The following ATP9A variants were observed in gnomAD, a reference collection of about 807,000 sequenced individuals.
ATP9A encodes the protein ATPase phospholipid transporting 9A.
Under a neutral mutation model 144.1 loss-of-function variants are expected in ATP9A, and 52 were observed. That is an observed-to-expected ratio of 0.36 (90% CI 0.29 to 0.45). The LOEUF is 0.45. Among genes scored for constraint, ATP9A ranks in the 20% least tolerant of loss-of-function variants. ATP9A has a pLI of 1.00. For missense variants in ATP9A, 947 were observed against 1,392.7 expected, an observed-to-expected ratio of 0.68 and a Z score of 5.09; for synonymous variants, 582 against 557.4, an observed-to-expected ratio of 1.04 and a Z score of -0.62.
chr20:51,715,237 C>A (rs1464258964), intron 3 of ATP9A, among the ~76,000 whole-genome samples: 1 of 152,194 alleles, frequency 6.6e-6, no homozygotes, highest in African/African-American at 2.4e-5. Flanking sequence ...AAACTCCTCC[C>A]AATGCCCATA....
intron 1 of ATP9A, among the ~76,000 whole-genome samples, chr20:51,751,071 GA>G (rs2077829392): frequency 6.6e-6 from 1 of 152,208 alleles, no homozygotes; most frequent in African/African-American, 2.4e-5. Context: ...AGGAAGAAGG[GA>G]GGGGCATCAG....
chr20:51,687,291 G>A (rs1305312790), intron 9 of ATP9A, among the ~76,000 whole-genome samples: 1 of 152,128 alleles, frequency 6.6e-6, no homozygotes, highest in Non-Finnish European at 1.5e-5. Context: ...TGAAAATAAA[G>A]GCAGGCAGTG....
chr20:51,723,837 G>A (rs2077700566), intron 3 of ATP9A, among the ~76,000 whole-genome samples: 1 of 152,008 alleles, frequency 6.6e-6, no homozygotes, highest in African/African-American at 2.4e-5. Context: ...TTACAGGTGT[G>A]AGCCACCGTG....
rs749046813 is a variant in ATP9A, at chr20:51,671,198, G to C, written c.1097C>G (p.Ser366Trp). ...IVYSWVIRRD[S>W]KIPGTVVRSS... Reference sequence around the variant, plus strand: ...GCGAACCACGGTCCCGGGGATTTTCGAGTCCCTTCGAATCACCCAGCTGTA... The same window carrying C: ...GCGAACCACGGTCCCGGGGATTTTCCAGTCCCTTCGAATCACCCAGCTGTA... Residue 366 changes from serine (S) to tryptophan (W), a missense_variant, in exon 12 of 28, where the codon TCG (serine) becomes TGG (tryptophan). Coordinates refer to ENST00000338821, the MANE Select transcript of ATP9A (RefSeq NM_006045.3). 5.6e-6 allele frequency: 9 copies of C among 1,614,040 alleles called. No individual in the cohort carries two copies. The highest frequency in any genetic ancestry group is 7.6e-6 in the Non-Finnish European group (9 of 1,180,000).
At chr20:51,690,115 A>C (rs2077540966) in intron 8 of ATP9A, among the ~76,000 whole-genome samples, 1 of 51,556 alleles carries the variant, frequency 1.9e-5, no homozygotes. Flanking sequence ...GTCTCAAAAA[A>C]AAAAAAAAAA....
chr20:51,633,443 G>T (rs1285966999), intron 15 of ATP9A, among the ~76,000 whole-genome samples: 2 of 152,080 alleles, frequency 1.3e-5, no homozygotes, highest in Non-Finnish European at 2.9e-5. Flanking sequence ...GTCTTTTGTT[G>T]GGTGAAAATG....
chr20:51,712,303 G>T lies in ATP9A; in HGVS notation c.436+663C>A, dbSNP rs138011395. Among the ~76,000 whole-genome samples, 259 of 152,030 alleles carry T rather than the reference G, an allele frequency of 1.7e-3. 3 individuals carry two copies. In the East Asian group the frequency reaches 0.031, roughly 18 times the overall value. On this transcript the variant is annotated intron_variant, in intron 4 of 27. Coordinates refer to ENST00000338821, the MANE Select transcript of ATP9A (RefSeq NM_006045.3). ...GTTAGCCAGGATGGTCTCGATCTCC[G>T]GACCTTGTGATCAGCCCGCCTCGGC... is the stretch of plus-strand genomic sequence containing the variant.
Position 51,622,073 on chromosome 20 carries a change from C to A in ATP9A, c.2115+1G>T, listed in dbSNP as rs2122724879. 1.2e-6 allele frequency: 2 copies of A among 1,613,988 alleles called. No individual in the cohort carries two copies. Among genetic ancestry groups the A allele is most frequent in the Non-Finnish European group, 1.7e-6 (2 of 1,179,904 alleles). Reference sequence around the variant, plus strand: ...TGGCCCTAACGCAGAGGACACTTTACCAGCCGAAAAACGTGGATGTCTTGG... The same window carrying A: ...TGGCCCTAACGCAGAGGACACTTTAACAGCCGAAAAACGTGGATGTCTTGG... On this transcript the variant is annotated splice_donor_variant, in intron 19 of 27. Transcript: ENST00000338821. LOFTEE classifies it high-confidence loss of function.
At chr20:51,639,134 G>A (rs1327045522) in intron 15 of ATP9A, among the ~76,000 whole-genome samples, 1 of 152,152 alleles carries the variant, frequency 6.6e-6, no homozygotes, top group Non-Finnish European at 1.5e-5. Context: ...TTTCACTCCA[G>A]AACCAGGGAC....
Position 51,622,116 on chromosome 20 carries a change from T to C in ATP9A, c.2073A>G (p.Ala691=). 1 of 1,614,166 alleles carries C rather than the reference T, an allele frequency of 6.2e-7. No homozygotes were observed. Among genetic ancestry groups the C allele is most frequent in the South Asian group, 1.1e-5 (1 of 91,086 alleles). Reference sequence around the variant, plus strand: ...TGTCTTGGTTTCTGGTCACCAGATGTGCATTCTTCGCTGTGCACGTAGCTG... The same window carrying C: ...TGTCTTGGTTTCTGGTCACCAGATGCGCATTCTTCGCTGTGCACGTAGCTG... ...LETATCTAKN[A]HLVTRNQDIH... Residue 691 remains alanine, a synonymous_variant, in exon 19 of 28, where the codon GCA becomes GCG. Coordinates refer to ENST00000338821, the MANE Select transcript of ATP9A (RefSeq NM_006045.3).
At chr20:51,602,510 G>A (rs1231725904) in intron 27 of ATP9A, among the ~76,000 whole-genome samples, 9 of 152,172 alleles carry the variant, frequency 5.9e-5, no homozygotes, top group African/African-American at 2.2e-4. Context: ...CTCACAAAAC[G>A]CTTTCTAGAG....
At chr20:51,656,659 TGTG>T (rs1157637138) in intron 14 of ATP9A, among the ~76,000 whole-genome samples, 2 of 152,344 alleles carry the variant, frequency 1.3e-5, no homozygotes, top group African/African-American at 2.4e-5. Context: ...TTTTAAAGTA[TGTG>T]GTTTAAATGG....
At chr20:51,767,872 T>G (rs1238287225) in intron 1 of ATP9A, among the ~76,000 whole-genome samples, 3 of 152,200 alleles carry the variant, frequency 2.0e-5, no homozygotes, top group Non-Finnish European at 2.9e-5. Context: ...TGAGCATATC[T>G]GGGCTCCCGA....
At chr20:51,613,916 T>G in intron 22 of ATP9A, 84 bp from the exon 23 acceptor site, 1 of 1,389,624 alleles carries the variant, frequency 7.2e-7, no homozygotes, top group African/African-American at 1.4e-5. Context: ...AGCAAGACAT[T>G]GTAGGAAATC....
rs766685373 is a variant in ATP9A at position 51,601,303 on chromosome 20, C to T, written c.3052G>A (p.Val1018Ile). 3.1e-5 allele frequency: 50 copies of T among 1,613,384 alleles called. No homozygotes were observed. Among genetic ancestry groups the T allele is most frequent in the South Asian group, 4.4e-5 (4 of 91,016 alleles). Reference protein sequence around the residue: ...ATLSFLWKVSVITLVSCLPLY... With the variant: ...ATLSFLWKVSIITLVSCLPLY... ...GGGAGGCAGCTGACCAGAGTGATGA[C>T]GGAGACTTTCCACAAGAATGACAAG... The change falls in exon 28 of 28, where the codon GTC becomes ATC. Residue 1018 changes from valine to isoleucine, a missense_variant. Val to Ile is a conservative substitution (Grantham distance 29). Coordinates refer to ENST00000338821, the MANE Select transcript of ATP9A (RefSeq NM_006045.3).
intron 1 of ATP9A, among the ~76,000 whole-genome samples, chr20:51,760,555 C>T (rs577120864): frequency 5.3e-4 from 81 of 151,458 alleles, no homozygotes; most frequent in African/African-American, 1.8e-3. Flanking sequence ...GGCGAAACCC[C>T]GTCTCTACTA....
chr20:51,647,952 A>T (rs375798676), intron 14 of ATP9A, among the ~76,000 whole-genome samples: 2 of 152,048 alleles, frequency 1.3e-5, no homozygotes, highest in Non-Finnish European at 2.9e-5. Flanking sequence ...CTGTTTTGAG[A>T]CCCCACTTCG....
In ATP9A at chr20:51,741,943, T is replaced by C. The variant is rs77844755; in HGVS notation, c.69-11965A>G. On this transcript the variant is annotated intron_variant, in intron 1 of 27. Coordinates refer to ENST00000338821, the MANE Select transcript of ATP9A (RefSeq NM_006045.3). ...AGAAGTATCCAGCCCAAAACGCCAC[T>C]TGTGCCCAGTTGAGAACTCCTGCTC... Among the ~76,000 whole-genome samples, 1,424 of 152,298 alleles carry C rather than the reference T, an allele frequency of 9.4e-3. 18 individuals carry two copies. Among genetic ancestry groups the C allele is most frequent in the African/African-American group, 0.032 (1,339 of 41,536 alleles).
At chr20:51,635,525 C>G (rs1160294137) in intron 15 of ATP9A, among the ~76,000 whole-genome samples, 1 of 152,002 alleles carries the variant, frequency 6.6e-6, no homozygotes. Flanking sequence ...ATCATTTGAG[C>G]CCAGGAGTTT....
Sources: allele counts gnomAD v4.1 joint callset (sites outside exome capture counted in the v4.1 genomes callset), GRCh38; gene constraint gnomAD v4.1.1; transcripts MANE v1.5; gene names NCBI Gene and HGNC (gene_info 2026-07-23, HGNC 2026-07-21).